The following PTPRT variants were observed in gnomAD, a reference collection of about 807,000 sequenced individuals.
PTPRT encodes protein tyrosine phosphatase receptor type T.
Under a neutral mutation model 176.8 loss-of-function variants are expected in PTPRT, and 56 were observed. That is an observed-to-expected ratio of 0.32 (90% CI 0.26 to 0.40). PTPRT has a LOEUF of 0.40. PTPRT is among the 10% of genes least tolerant of loss of function. The probability of loss-of-function intolerance (pLI) is 1.00; values close to 1 mark genes in which losing one functional copy is unlikely to be tolerated. For missense variants in PTPRT, 1,540 were observed against 1,908.2 expected (o/e 0.81, Z 3.60); for synonymous variants, 783 against 739.0 (o/e 1.06, Z -0.96).
At chr20:42,312,320 A>T (rs2057646398) in intron 12 of PTPRT, among the ~76,000 whole-genome samples, 1 of 152,170 alleles carries the variant, frequency 6.6e-6, no homozygotes, top group Non-Finnish European at 1.5e-5. Flanking sequence ...CTGATAAAGA[A>T]TTTGTGGATT....
intron 16 of PTPRT, among the ~76,000 whole-genome samples, chr20:42,176,889 GA>G (rs145605907): frequency 0.015 from 2,322 of 152,264 alleles, 68 homozygotes; most frequent in African/African-American, 0.053. Context: ...GTTGTGGGTG[GA>G]TAAAAGCTTC....
chr20:42,574,961 T>C (rs1406089666), intron 7 of PTPRT, among the ~76,000 whole-genome samples: 1 of 152,158 alleles, frequency 6.6e-6, no homozygotes, highest in African/African-American at 2.4e-5. Flanking sequence ...TCTTCTGCCA[T>C]GATTGTAAGT....
At chr20:43,020,489 C>A (rs971311398) in intron 1 of PTPRT, among the ~76,000 whole-genome samples, 3 of 152,004 alleles carry the variant, frequency 2.0e-5, no homozygotes, top group African/African-American at 7.3e-5. Flanking sequence ...TACATTTGTA[C>A]AATGAGTGCC....
In PTPRT at chr20:42,611,664, G is replaced by A. The variant is rs997492549; in HGVS notation, c.1153+66202C>T. Among the ~76,000 whole-genome samples, 18 of 152,306 alleles carry A rather than the reference G, an allele frequency of 1.2e-4. 1 individual carries two copies. The highest frequency in any genetic ancestry group is 5.2e-4 in the Admixed American group (8 of 15,292). ...TGCTGAGATGGTCAGGAATGACAGC[G>A]ACTGAACTTTCTATCCAAACTCACC... On this transcript the variant is annotated intron_variant, in intron 7 of 30. Transcript: ENST00000373187.
rs562152461 is a variant in PTPRT at position 42,594,236 on chromosome 20, G to A, written c.1153+83630C>T. The stretch of plus-strand genomic sequence containing the variant: ...TTCTGCAGGGCTGTTGGTTGGAGAC[G>A]CTGCCTCCATGCAAATCTCATTTGC... On this transcript the variant is annotated intron_variant, in intron 7 of 30. Transcript: ENST00000373187. Among the ~76,000 whole-genome samples, 3 of 152,198 alleles carry A rather than the reference G, an allele frequency of 2.0e-5. No individual in the cohort carries two copies. The South Asian group carries it at 6.2e-4, about 32-fold the overall frequency.
chr20:42,095,622 G>T (rs1985127899), intron 27 of PTPRT, among the ~76,000 whole-genome samples: 1 of 152,142 alleles, frequency 6.6e-6, no homozygotes, highest in Non-Finnish European at 1.5e-5. Flanking sequence ...TTACTACCCT[G>T]CCTTCTTGTT....
At chr20:42,203,038 A>T (rs1257712155) in intron 15 of PTPRT, among the ~76,000 whole-genome samples, 1 of 152,224 alleles carries the variant, frequency 6.6e-6, no homozygotes, top group Non-Finnish European at 1.5e-5. Flanking sequence ...GATATATTAC[A>T]TCCTTAGTAT....
intron 2 of PTPRT, among the ~76,000 whole-genome samples, chr20:42,793,525 G>A (rs916147803): frequency 2.6e-5 from 4 of 152,172 alleles, no homozygotes; most frequent in Non-Finnish European, 5.9e-5. Flanking sequence ...GGAAAATGTA[G>A]CACCTCCTGG....
At chr20:42,471,755 A>G (rs1373010880) in intron 8 of PTPRT, among the ~76,000 whole-genome samples, 1 of 151,884 alleles carries the variant, frequency 6.6e-6, no homozygotes, top group African/African-American at 2.4e-5. Context: ...TCCCAAGTTC[A>G]AGCAATTCTC....
chr20:42,186,099 G>C (rs1324090913), intron 16 of PTPRT, among the ~76,000 whole-genome samples: 1 of 152,052 alleles, frequency 6.6e-6, no homozygotes, highest in Non-Finnish European at 1.5e-5. Context: ...TGTAAGAATG[G>C]AGGTCTAAAG....
chr20:42,959,259 A>G (rs115498495), intron 1 of PTPRT, among the ~76,000 whole-genome samples: 19 of 152,316 alleles, frequency 1.2e-4, no homozygotes, highest in African/African-American at 4.3e-4. Context: ...AGTGCTTAGA[A>G]TACTACCTGG....
At chr20:42,620,544 T>C (rs13043196) in intron 7 of PTPRT, among the ~76,000 whole-genome samples, 54,491 of 144,480 alleles carry the variant, frequency 0.38, 12,388 homozygotes, top group African/African-American at 0.62. Flanking sequence ...CCCAGCCTCG[T>C]TGTCGCCTTG....
chr20:42,042,396 A>G, the PTPRT span, among the ~76,000 whole-genome samples: 3 of 152,210 alleles, frequency 2.0e-5, no homozygotes, highest in Non-Finnish European at 4.4e-5. Context: ...TTTGCCAGTC[A>G]CCTGTCCCTC....
At chr20:42,527,652 T>A (rs1248413071) in intron 7 of PTPRT, among the ~76,000 whole-genome samples, 2 of 152,238 alleles carry the variant, frequency 1.3e-5, no homozygotes, top group Admixed American at 1.3e-4. Context: ...AGTCTGTTCC[T>A]CACCTTTCTT....
chr20:42,769,236 G>T (rs1032378731), intron 5 of PTPRT, among the ~76,000 whole-genome samples: 1 of 152,158 alleles, frequency 6.6e-6, no homozygotes, highest in Non-Finnish European at 1.5e-5. Flanking sequence ...AGAACTGTTG[G>T]TCCCTAGATG....
Position 42,381,332 on chromosome 20 carries a change from C to G in PTPRT, c.1561-29047G>C, listed in dbSNP as rs143121497. 6.8e-4 allele frequency among the ~76,000 whole-genome samples: 104 copies of G among 152,172 alleles called. 1 individual carries two copies. Among genetic ancestry groups the G allele is most frequent in the African/African-American group, 2.4e-3 (100 of 41,500 alleles). On this transcript the variant is annotated intron_variant, in intron 9 of 30. Coordinates refer to ENST00000373187, the MANE Select transcript of PTPRT (RefSeq NM_007050.6). The stretch of plus-strand genomic sequence containing the variant: ...TGAGCAGAAGTGACCTGTTTTTATC[C>G]AGGTAAGTGCTTTAAGAGCCAAAGC...
At chr20:42,543,234 C>A (rs2072615011) in intron 7 of PTPRT, among the ~76,000 whole-genome samples, 1 of 152,138 alleles carries the variant, frequency 6.6e-6, no homozygotes, top group Admixed American at 6.5e-5. Context: ...GAACTTCTTT[C>A]AAAATTAGAA....
intron 2 of PTPRT, among the ~76,000 whole-genome samples, chr20:42,864,780 G>C (rs906909706): frequency 6.6e-6 from 1 of 152,186 alleles, no homozygotes; most frequent in African/African-American, 2.4e-5. Flanking sequence ...CAGGAAAGTA[G>C]TCTTTCAATT....
intron 12 of PTPRT, among the ~76,000 whole-genome samples, chr20:42,310,281 G>C (rs903577859): frequency 1.3e-5 from 2 of 152,070 alleles, no homozygotes; most frequent in Non-Finnish European, 2.9e-5. Flanking sequence ...CAGAGAAAAG[G>C]GTAAGTAGGA....
Sources: gnomAD v4.1 joint callset for allele counts (sites outside exome capture counted in the v4.1 genomes callset) on GRCh38, gnomAD v4.1.1 for gene constraint, MANE v1.5 for transcripts, NCBI Gene and HGNC (gene_info 2026-07-23, HGNC 2026-07-21) for gene names.